The following FMN2 variants were observed in gnomAD, a reference collection of about 807,000 sequenced individuals.
FMN2 encodes the protein formin-2.
FMN2 carries 51 observed loss-of-function variants against 142.3 expected under a neutral mutation model. That is an observed-to-expected ratio of 0.36 (90% CI 0.29 to 0.45). The LOEUF (loss-of-function observed/expected upper bound fraction) is 0.45. Among genes scored for constraint, FMN2 ranks in the 20% least tolerant of loss-of-function variants. The pLI is 1.00. For synonymous variants in FMN2, 882 were observed against 869.8 expected (o/e 1.01, Z -0.25); for missense variants, 1,936 against 2,122.8 (o/e 0.91, Z 1.73).
At position 240,395,514 on chromosome 1, in the gene FMN2, T is replaced by A. The variant is rs1262048275; in HGVS notation, c.4910+2952T>A. On this transcript the variant is annotated intron_variant, in intron 15 of 17. Transcript: ENST00000319653. ...GATTCACCATTCTAGATGCCATCAA[T>A]AACATTCATAATTCCTGGAAGCAGG... Among the ~76,000 whole-genome samples the A allele has an allele frequency of 2.6e-5, 4 of 152,222 alleles. No individual in the cohort carries two copies. The East Asian group carries it at 7.7e-4, about 29-fold the overall frequency.
intron 6 of FMN2, among the ~76,000 whole-genome samples, chr1:240,257,422 CTA>C (rs2102896530): frequency 6.6e-6 from 1 of 152,280 alleles, no homozygotes; most frequent in South Asian, 2.1e-4. Flanking sequence ...AGTGAGCTTT[CTA>C]TGTGACCCAA....
chr1:240,113,353 C>T (rs149857884), intron 1 of FMN2, among the ~76,000 whole-genome samples: 2,412 of 152,044 alleles, frequency 0.016, 64 homozygotes, highest in African/African-American at 0.055. Context: ...TGCCTGAGGT[C>T]AGGAGATCGA....
At position 240,185,145 on chromosome 1, in the gene FMN2, CTTCCCCTTCTCTTTCTCCCTCCTACACCT is replaced by C. The variant is rs1558345210; in HGVS notation, c.1931-3037_1931-3009del. Among the ~76,000 whole-genome samples, 58 of 54,052 alleles carry C rather than the reference CTTCCCCTTCTCTTTCTCCCTCCTACACCT, an allele frequency of 1.1e-3. 1 individual carries two copies. The highest frequency in any genetic ancestry group is 3.4e-3 in the South Asian group (4 of 1,164). 35.5% of individuals were successfully genotyped at this position (54,052 alleles called of 152,430 possible). A position where few individuals can be genotyped will look rare whatever the true frequency, so the allele number is the denominator to read the frequency against. On this transcript the variant is annotated intron_variant, in intron 3 of 17. Coordinates refer to ENST00000319653, the MANE Select transcript of FMN2 (RefSeq NM_020066.5). ...CCCCTTCTCTTTCTCCCTCCTATAC[CTTCCCCTTCTCTTTCTCCCTCCTACACCT>C]TTCCCCTTCTCTTTCTCCCTCCTAT...
chr1:240,443,039 A>T (rs563109012), intron 16 of FMN2, among the ~76,000 whole-genome samples: 5 of 152,318 alleles, frequency 3.3e-5, no homozygotes, highest in African/African-American at 9.6e-5. Context: ...TTTTTCCATC[A>T]TTTAATAAAA....
intron 14 of FMN2, among the ~76,000 whole-genome samples, chr1:240,387,063 C>T (rs1266014462): frequency 6.6e-6 from 1 of 152,148 alleles, no homozygotes; most frequent in African/African-American, 2.4e-5. Flanking sequence ...GATCAACTTC[C>T]CTAAGGAGCT....
intron 2 of FMN2, among the ~76,000 whole-genome samples, chr1:240,175,357 G>A (rs1226926478): frequency 2.0e-5 from 3 of 152,138 alleles, no homozygotes; most frequent in Admixed American, 6.5e-5. Context: ...AAGTGTAATT[G>A]CTGGATCATA....
At chr1:240,290,715 C>T (rs1490852291) in intron 7 of FMN2, among the ~76,000 whole-genome samples, 1 of 150,168 alleles carries the variant, frequency 6.7e-6, no homozygotes, top group African/African-American at 2.5e-5. Context: ...TAGACATTGG[C>T]ATTTGATAAA....
rs57841541 is a variant in FMN2 at position 240,105,100 on chromosome 1, C to CTT, written c.1615+11401_1615+11402dup. 4.0e-4 allele frequency among the ~76,000 whole-genome samples: 29 copies of CTT among 73,020 alleles called. 1 individual carries two copies. The highest frequency in any genetic ancestry group is 1.2e-3 in the South Asian group (2 of 1,706). The allele number at this position is 73,020 out of a possible 152,430, so 47.9% of individuals were successfully genotyped here. ...CAGAATGCTTTCCTAGTTTATGCTT[C>CTT]TTTTTTTTTTTTTTTTTTTTTTTTT... On this transcript the variant is annotated intron_variant, in intron 1 of 17. Coordinates refer to ENST00000319653, the MANE Select transcript of FMN2 (RefSeq NM_020066.5).
chr1:240,145,467 A>T (rs73128591), intron 2 of FMN2: 1 of 246,582 alleles, frequency 4.1e-6, no homozygotes, highest in Admixed American at 5.7e-5. Context: ...TTTCTTTAGT[A>T]TTGTATTTGA....
chr1:240,119,315 C>T (rs10926129), intron 1 of FMN2, among the ~76,000 whole-genome samples: 41,225 of 143,250 alleles, frequency 0.29, 6,136 homozygotes, highest in Middle Eastern at 0.38. Context: ...GGCGACAGGG[C>T]GAGACTCCAT....
chr1:240,105,070 GT>G (rs1220447532), intron 1 of FMN2, among the ~76,000 whole-genome samples: 2 of 135,192 alleles, frequency 1.5e-5, no homozygotes, highest in East Asian at 4.6e-4. Flanking sequence ...TGTCAGATTA[GT>G]TTCCAGAATG....
At chr1:240,435,970 G>A (rs1395247483) in intron 15 of FMN2, among the ~76,000 whole-genome samples, 3 of 152,180 alleles carry the variant, frequency 2.0e-5, no homozygotes, top group Admixed American at 6.5e-5. Context: ...CAGCCTAACA[G>A]GTCATACATT....
intron 6 of FMN2, among the ~76,000 whole-genome samples, chr1:240,232,702 C>CT (rs1449042990): frequency 6.6e-6 from 1 of 152,158 alleles, no homozygotes; most frequent in African/African-American, 2.4e-5. Context: ...AGTTTGCCCT[C>CT]TTTTTTTCTT....
chr1:240,444,830 A>C (rs1309830895), intron 16 of FMN2, among the ~76,000 whole-genome samples: 2 of 152,238 alleles, frequency 1.3e-5, no homozygotes, highest in African/African-American at 2.4e-5. Flanking sequence ...AAGTTTAAGA[A>C]GGAAGAGACC....
chr1:240,348,896 C>G (rs1417634099), intron 13 of FMN2, among the ~76,000 whole-genome samples: 2 of 152,124 alleles, frequency 1.3e-5, no homozygotes, highest in African/African-American at 4.8e-5. Flanking sequence ...CATGGAGTGA[C>G]TGGGTTTTCT....
In FMN2 at chr1:240,144,732, T is replaced by C. The variant is rs1663361395; in HGVS notation, c.1782+21387T>C. On this transcript the variant is annotated intron_variant, in intron 2 of 17. Coordinates refer to ENST00000319653, the MANE Select transcript of FMN2 (RefSeq NM_020066.5). Reference sequence around the variant, plus strand: ...TTCTCATCAATGTCCTTCTCCAGCATGTCCACCTGCTCAATTTCCATAAGG... The same window carrying C: ...TTCTCATCAATGTCCTTCTCCAGCACGTCCACCTGCTCAATTTCCATAAGG... 3.8e-6 allele frequency: 5 copies of C among 1,320,228 alleles called. No homozygotes were observed. The South Asian group carries it at 5.9e-5, about 16-fold the overall frequency. The allele number at this position is 1,320,228 out of a possible 1,614,324, so 81.8% of individuals were successfully genotyped here.
At position 240,197,153 on chromosome 1, in the gene FMN2, G is replaced by A. The variant is rs189016458; in HGVS notation, c.1986+8891G>A. On this transcript the variant is annotated intron_variant, in intron 4 of 17. Coordinates refer to ENST00000319653, the MANE Select transcript of FMN2 (RefSeq NM_020066.5). ...CTGGGAGGGGCTGAAGGTTAAGTTG[G>A]TCACCAGTGCCCAGTGATGTAGTTA... 5.2e-3 allele frequency among the ~76,000 whole-genome samples: 791 copies of A among 152,230 alleles called. 2 individuals are homozygous for A. The highest frequency in any genetic ancestry group is 8.5e-3 in the Non-Finnish European group (577 of 68,020).
chr1:240,260,159 G>A (rs1038784251), intron 7 of FMN2, among the ~76,000 whole-genome samples: 1 of 152,130 alleles, frequency 6.6e-6, no homozygotes, highest in African/African-American at 2.4e-5. Flanking sequence ...TGATTGATGG[G>A]CATTTAGGCT....
chr1:240,245,589 T>G (rs1668051747), intron 6 of FMN2: 1 of 471,112 alleles, frequency 2.1e-6, no homozygotes, highest in Non-Finnish European at 4.4e-6. Context: ...TTTTTTATGG[T>G]TTTCCGTGCA....
Sources: allele counts gnomAD v4.1 joint callset (sites outside exome capture counted in the v4.1 genomes callset), GRCh38; gene constraint gnomAD v4.1.1; transcripts MANE v1.5; gene names NCBI Gene and HGNC (gene_info 2026-07-23, HGNC 2026-07-21).